Variants in PACRG observed in about 807,000 individuals in gnomAD.
PACRG encodes parkin coregulated gene protein.
In PACRG, 29 loss-of-function variants were observed where a neutral mutation model predicts 29.7. The ratio of observed to expected loss-of-function variants is 0.98; its 90% confidence interval spans 0.73 to 1.33. The LOEUF (loss-of-function observed/expected upper bound fraction) is 1.33. Among genes scored for constraint, PACRG ranks in the 40% most tolerant of loss-of-function variants. PACRG has a pLI of 0.00. For synonymous variants in PACRG, 116 were observed against 118.7 expected (o/e 0.98, Z 0.15); for missense variants, 279 against 316.2 (o/e 0.88, Z 0.89).
At chr6:162,954,214 C>G (rs1032537850) in intron 2 of PACRG, among the ~76,000 whole-genome samples, 1 of 152,080 alleles carries the variant, frequency 6.6e-6, no homozygotes, top group African/African-American at 2.4e-5. Context: ...CTAAGCAGCT[C>G]AAAGCAATTG....
At chr6:162,940,951 G>T (rs568942502) in intron 2 of PACRG, among the ~76,000 whole-genome samples, 1 of 152,256 alleles carries the variant, frequency 6.6e-6, no homozygotes, top group South Asian at 2.1e-4. Context: ...GTGGAAAAAT[G>T]TACCAATCCT....
At chr6:163,021,470 T>G (rs1806610494) in intron 2 of PACRG, among the ~76,000 whole-genome samples, 1 of 152,208 alleles carries the variant, frequency 6.6e-6, no homozygotes, top group Non-Finnish European at 1.5e-5. Flanking sequence ...CCTGTAAGGT[T>G]AAGCCACCTT....
At chr6:162,790,561 T>C (rs1383953443) in intron 1 of PACRG, among the ~76,000 whole-genome samples, 1 of 152,200 alleles carries the variant, frequency 6.6e-6, no homozygotes, top group Non-Finnish European at 1.5e-5. Flanking sequence ...TAGTTAATTC[T>C]TTTAATCTTA....
chr6:163,053,169 T>G (rs565983145), intron 2 of PACRG, among the ~76,000 whole-genome samples: 2 of 152,216 alleles, frequency 1.3e-5, no homozygotes, highest in African/African-American at 4.8e-5. Flanking sequence ...TGAAATACCT[T>G]AACTGAAATA....
chr6:163,136,365 T>A (rs1346764492), intron 4 of PACRG, among the ~76,000 whole-genome samples: 4 of 152,222 alleles, frequency 2.6e-5, no homozygotes, highest in Non-Finnish European at 5.9e-5. Flanking sequence ...AACCTTTGTG[T>A]TTCTATTTGA....
chr6:162,727,754 T>A, upstream of PACRG: 5 of 1,412,582 alleles, frequency 3.5e-6, no homozygotes, highest in Non-Finnish European at 4.9e-6. Flanking sequence ...GCGGCTCTCC[T>A]GGGTTAAATC....
In PACRG at chr6:163,217,930, A is replaced by G. The variant is rs144816352; in HGVS notation, c.614-96897A>G. ...TTATTTCATTATATATTACAATGTA[A>G]TGATTATAGAAATAAAGTGCACAAT... On this transcript the variant is annotated intron_variant, in intron 4 of 4. Coordinates refer to ENST00000366888, the MANE Select transcript of PACRG (RefSeq NM_001080379.2). Among the ~76,000 whole-genome samples, 14 of 152,224 alleles carry G rather than the reference A, an allele frequency of 9.2e-5. No homozygotes were observed. In the East Asian group the frequency reaches 2.7e-3, roughly 29 times the overall value.
rs562089301 is a variant in PACRG, at chr6:163,315,145, G to T, written c.*158G>T. ...CATTGGACTGTTAGCCCTATTGAGA[G>T]CAAGGCTTTCCAATACATAAATAGT... On this transcript the variant is annotated 3_prime_UTR_variant, in exon 5 of 5. Coordinates refer to ENST00000366888, the MANE Select transcript of PACRG (RefSeq NM_001080379.2). 2.1e-5 allele frequency: 16 copies of T among 771,564 alleles called. No individual in the cohort carries two copies. In the East Asian group the frequency reaches 4.3e-4, roughly 21 times the overall value. 47.8% of individuals were successfully genotyped at this position (771,564 alleles called of 1,614,324 possible).
chr6:162,845,574 A>G (rs1200436587), intron 2 of PACRG, among the ~76,000 whole-genome samples: 1 of 152,168 alleles, frequency 6.6e-6, no homozygotes, highest in East Asian at 1.9e-4. Flanking sequence ...CCATTTAGCT[A>G]AACTTTGACT....
chr6:163,275,978 T>C (rs34651905), intron 4 of PACRG, among the ~76,000 whole-genome samples: 1 of 151,362 alleles, frequency 6.6e-6, no homozygotes, highest in Non-Finnish European at 1.5e-5. Context: ...TTTTTTTTTT[T>C]ATTATTCTCT....
At chr6:163,151,011 C>A (rs1172181157) in intron 4 of PACRG, among the ~76,000 whole-genome samples, 1 of 151,958 alleles carries the variant, frequency 6.6e-6, no homozygotes, top group Non-Finnish European at 1.5e-5. Flanking sequence ...ATATTAAATT[C>A]CTTTATTTTT....
intron 4 of PACRG, among the ~76,000 whole-genome samples, chr6:163,207,985 C>T (rs1455332960): frequency 6.6e-6 from 1 of 152,146 alleles, no homozygotes; most frequent in Non-Finnish European, 1.5e-5. Context: ...GCAAAGCTGC[C>T]AGGCGTTGGG....
chr6:162,750,840 A>G (rs1781457175), intron 1 of PACRG, among the ~76,000 whole-genome samples: 6 of 152,218 alleles, frequency 3.9e-5, no homozygotes, highest in Admixed American at 3.9e-4. Context: ...AAATCTATTA[A>G]CATATAATTG....
intron 2 of PACRG, among the ~76,000 whole-genome samples, chr6:162,915,977 A>T (rs1023014999): frequency 1.3e-5 from 2 of 152,154 alleles, no homozygotes; most frequent in Non-Finnish European, 2.9e-5. Context: ...GATAGGAATC[A>T]TTTCTATTGC....
chr6:162,752,209 G>A (rs1301816554), intron 1 of PACRG, among the ~76,000 whole-genome samples: 1 of 152,042 alleles, frequency 6.6e-6, no homozygotes, highest in Non-Finnish European at 1.5e-5. Flanking sequence ...ACACACACAT[G>A]CACACACACG....
chr6:162,756,826 T>TA (rs1306310636), intron 1 of PACRG, among the ~76,000 whole-genome samples: 1 of 152,198 alleles, frequency 6.6e-6, no homozygotes, highest in African/African-American at 2.4e-5. Context: ...ATTTGCTTCG[T>TA]AGTCACCATG....
At chr6:163,095,745 G>A (rs73593733) in intron 4 of PACRG, among the ~76,000 whole-genome samples, 5,739 of 152,120 alleles carry the variant, frequency 0.038, 365 homozygotes, top group African/African-American at 0.13. Flanking sequence ...CCCTCATAAG[G>A]ATTGGATTAA....
At chr6:163,191,560 C>T (rs1431748795) in intron 4 of PACRG, 1 of 437,812 alleles carries the variant, frequency 2.3e-6, no homozygotes, top group Non-Finnish European at 4.6e-6. Context: ...TTTCTCCTAG[C>T]TCAAGGATCT....
chr6:163,054,161 T>C (rs1215788586), intron 2 of PACRG: 6 of 152,338 alleles, frequency 3.9e-5, no homozygotes, highest in African/African-American at 1.2e-4. Flanking sequence ...CAATTCATTA[T>C]GTTGGGCAAA....
Sources: gnomAD v4.1 joint callset for allele counts (sites outside exome capture counted in the v4.1 genomes callset) on GRCh38, gnomAD v4.1.1 for gene constraint, MANE v1.5 for transcripts, NCBI Gene and HGNC (gene_info 2026-07-23, HGNC 2026-07-21) for gene names.